CRPPA: variants seen among roughly 807,000 people sequenced by gnomAD.
The protein encoded by CRPPA is D-ribitol-5-phosphate cytidylyltransferase.
In CRPPA, 43 loss-of-function variants were observed where a neutral mutation model predicts 52.0. The ratio of observed to expected loss-of-function variants is 0.83; its 90% CI spans 0.65 to 1.07. The LOEUF is 1.07. CRPPA is among the 50% of genes least tolerant of loss of function. The pLI is 0.00. For synonymous variants in CRPPA, 250 were observed against 203.5 expected (o/e 1.23, Z -1.94); for missense variants, 629 against 551.7 (o/e 1.14, Z -1.40).
intron 9 of CRPPA, among the ~76,000 whole-genome samples, chr7:16,093,129 C>T (rs1228842813): frequency 6.6e-6 from 1 of 152,036 alleles, no homozygotes. Flanking sequence ...TTTAGTTGAC[C>T]ATCTATTTTA....
At chr7:16,210,859 A>C (rs1782116003) in intron 9 of CRPPA, among the ~76,000 whole-genome samples, 1 of 152,114 alleles carries the variant, frequency 6.6e-6, no homozygotes, top group African/African-American at 2.4e-5. Context: ...AAAAAAAAGG[A>C]AAGATCTGGG....
intron 2 of CRPPA, 54 bp downstream of exon 2, chr7:16,406,007 G>A (rs1787943399): frequency 1.3e-6 from 2 of 1,496,826 alleles, no homozygotes; most frequent in South Asian, 1.2e-5. Context: ...TTCAGCAAAT[G>A]AACCACACTA....
chr7:16,388,182 C>T (rs1787343453), intron 2 of CRPPA, among the ~76,000 whole-genome samples: 1 of 152,038 alleles, frequency 6.6e-6, no homozygotes, highest in Non-Finnish European at 1.5e-5. Flanking sequence ...CACTATGTTG[C>T]CCAGGCTGGT....
chr7:16,355,504 T>C (rs1027302129), intron 3 of CRPPA, among the ~76,000 whole-genome samples: 1 of 152,212 alleles, frequency 6.6e-6, no homozygotes, highest in Non-Finnish European at 1.5e-5. Context: ...TGGATGTCTT[T>C]TCAGTCTCTA....
chr7:16,278,311 T>C, intron 5 of CRPPA, 85 bp from the exon 6 acceptor site: 1 of 680,882 alleles, frequency 1.5e-6, no homozygotes. Context: ...TTACCTGATG[T>C]TCTTAGCTGT....
intron 4 of CRPPA, among the ~76,000 whole-genome samples, chr7:16,304,356 G>A (rs1784860946): frequency 6.6e-6 from 1 of 152,022 alleles, no homozygotes; most frequent in South Asian, 2.1e-4. Context: ...CCAGACCCCA[G>A]AAGAGCTAGC....
At chr7:16,416,607 G>C (rs1229704592) in intron 1 of CRPPA, among the ~76,000 whole-genome samples, 1 of 152,046 alleles carries the variant, frequency 6.6e-6, no homozygotes, top group African/African-American at 2.4e-5. Flanking sequence ...GGCCGACGCA[G>C]GTGGATCACC....
intron 9 of CRPPA, among the ~76,000 whole-genome samples, chr7:16,211,084 T>C (rs1782122082): frequency 6.6e-6 from 1 of 152,192 alleles, no homozygotes; most frequent in Non-Finnish European, 1.5e-5. Context: ...TTACCAAATG[T>C]ACCCTGAAAA....
At chr7:16,190,249 T>C (rs1276830160) in intron 9 of CRPPA, among the ~76,000 whole-genome samples, 3 of 152,172 alleles carry the variant, frequency 2.0e-5, no homozygotes, top group African/African-American at 4.8e-5. Context: ...TTTGAAGTTG[T>C]CCAGGCAGAG....
intron 9 of CRPPA, among the ~76,000 whole-genome samples, chr7:16,194,972 A>T (rs1455369445): frequency 6.6e-6 from 1 of 151,982 alleles, no homozygotes; most frequent in African/African-American, 2.4e-5. Context: ...ACAATTCCCC[A>T]GATCATTCTG....
intron 9 of CRPPA, among the ~76,000 whole-genome samples, chr7:16,179,855 T>C (rs1379658872): frequency 6.6e-6 from 1 of 152,134 alleles, no homozygotes; most frequent in East Asian, 1.9e-4. Flanking sequence ...ATGATGTTCA[T>C]TTATGTCAGC....
In CRPPA at chr7:16,152,539, T is replaced by C. The variant is rs11976851; in HGVS notation, c.1252-60740A>G. Among the ~76,000 whole-genome samples, 879 of 152,122 alleles carry C rather than the reference T, an allele frequency of 5.8e-3. 15 individuals carry two copies. The highest frequency in any genetic ancestry group is 0.02 in the African/African-American group (844 of 41,560). On this transcript the variant is annotated intron_variant, in intron 9 of 9. Transcript: ENST00000407010. ...AAAGATTTTCTGCTAATTATCTTAT[T>C]ATTTTCCATAAGTATTTATAAAATG...
At chr7:16,342,764 A>C (rs1266612970) in intron 3 of CRPPA, among the ~76,000 whole-genome samples, 1 of 5,696 alleles carries the variant, frequency 1.8e-4, no homozygotes. Context: ...CTGTCTCCAC[A>C]AAAAAAAAAA....
At chr7:16,178,419 T>C (rs1781347862) in intron 9 of CRPPA, among the ~76,000 whole-genome samples, 1 of 152,122 alleles carries the variant, frequency 6.6e-6, no homozygotes, top group Non-Finnish European at 1.5e-5. Flanking sequence ...AATAAAGAAC[T>C]AGTAAAACAT....
At chr7:16,274,565 A>C (rs984239358) in intron 6 of CRPPA, among the ~76,000 whole-genome samples, 1 of 152,150 alleles carries the variant, frequency 6.6e-6, no homozygotes, top group Non-Finnish European at 1.5e-5. Context: ...AAAAAAAATA[A>C]AAAGTCTAAT....
chr7:16,287,697 G>A (rs938050905), intron 5 of CRPPA, among the ~76,000 whole-genome samples: 2 of 152,110 alleles, frequency 1.3e-5, no homozygotes, highest in African/African-American at 4.8e-5. Context: ...CAAAGCGAAT[G>A]GATTGCTTGA....
chr7:16,382,700 CT>C (rs1334295740), intron 2 of CRPPA, among the ~76,000 whole-genome samples: 3 of 151,922 alleles, frequency 2.0e-5, no homozygotes, highest in Non-Finnish European at 4.4e-5. Flanking sequence ...TCTTTTTATT[CT>C]TTTTTCTCTA....
At chr7:16,144,466 C>T (rs1227162849) in intron 9 of CRPPA, among the ~76,000 whole-genome samples, 1 of 152,152 alleles carries the variant, frequency 6.6e-6, no homozygotes, top group Admixed American at 6.5e-5. Context: ...GGGAAAGATG[C>T]AAGCCTTCTT....
At position 16,090,221 on chromosome 7, in the gene CRPPA, A is replaced by T. The variant is rs1361174301; in HGVS notation, c.*1474T>A. 6.6e-6 allele frequency: 1 copy of T among 152,178 alleles called. No individual in the cohort carries two copies. The highest frequency in any genetic ancestry group is 1.5e-5 in the Non-Finnish European group (1 of 68,026). 9.4% of individuals were successfully genotyped at this position (152,178 alleles called of 1,614,324 possible). ...AGCCTACATTCAAATAACACATTTC[A>T]ATTAGGAGAATGTAAAATATAAACT... On this transcript the variant is annotated 3_prime_UTR_variant, in exon 10 of 10. Coordinates refer to ENST00000407010, the MANE Select transcript of CRPPA (RefSeq NM_001101426.4).
Sources: allele counts gnomAD v4.1 joint callset (sites outside exome capture counted in the v4.1 genomes callset), GRCh38; gene constraint gnomAD v4.1.1; transcripts MANE v1.5; gene names NCBI Gene and HGNC (gene_info 2026-07-23, HGNC 2026-07-21).